Variants in QRFPR observed in about 807,000 individuals in gnomAD.
The protein encoded by QRFPR is pyroglutamylated RFamide peptide receptor, also known as pyroglutamylated RF-amide peptide receptor.
A neutral mutation model predicts 31.3 loss-of-function variants in QRFPR; 37 were observed. The observed-to-expected ratio is 1.18, with a 90% CI of 0.91 to 1.56. The LOEUF is 1.56. QRFPR is among the 40% of genes most tolerant of loss of function. The probability of loss-of-function intolerance (pLI) is 0.00; values close to 1 mark genes in which losing one functional copy is unlikely to be tolerated. For missense variants in QRFPR, 542 were observed against 532.5 expected (o/e 1.02, Z -0.18); for synonymous variants, 197 against 192.0 (o/e 1.03, Z -0.22).
chr4:121,380,192 A>AGAGAGAGAGAGG lies in QRFPR; in HGVS notation c.340+115_340+116insCCTCTCTCTCTC, dbSNP rs1560749151. 3.1e-3 allele frequency: 483 copies of AGAGAGAGAGAGG among 153,634 alleles called. 3 individuals carry two copies. Among genetic ancestry groups the AGAGAGAGAGAGG allele is most frequent in the Middle Eastern group, 4.7e-3 (4 of 856 alleles). The allele number at this position is 153,634 out of a possible 1,614,324, so 9.5% of individuals were successfully genotyped here. A position where few individuals can be genotyped will look rare whatever the true frequency, so the allele number is the denominator to read the frequency against. ...GAGACAGACAGACGAGAGAGGAGAG[A>AGAGAGAGAGAGG]GAGAGAGAGAGAGAGAGAGAGAGAG... On this transcript the variant is annotated intron_variant, in intron 1 of 5. Transcript: ENST00000394427.
intron 1 of QRFPR, among the ~76,000 whole-genome samples, chr4:121,355,612 T>G (rs1725852461): frequency 6.6e-6 from 1 of 152,116 alleles, no homozygotes; most frequent in South Asian, 2.1e-4. Context: ...GGGGTTTGGT[T>G]TGTTCTTGTC....
intron 1 of QRFPR, chr4:121,369,991 T>G: frequency 1.3e-6 from 1 of 766,254 alleles, no homozygotes; most frequent in Non-Finnish European, 2.4e-6. Context: ...CCCAAAATGC[T>G]GAAAGCTTTC....
intron 1 of QRFPR, among the ~76,000 whole-genome samples, chr4:121,348,282 T>C (rs985560205): frequency 1.3e-5 from 2 of 152,238 alleles, no homozygotes; most frequent in Non-Finnish European, 2.9e-5. Flanking sequence ...AAGCCTACTG[T>C]GTTTAGGCCA....
At chr4:121,369,717 C>T in intron 1 of QRFPR, 1 of 1,596,370 alleles carries the variant, frequency 6.3e-7, no homozygotes, top group Non-Finnish European at 8.6e-7. Context: ...TCCCCACTTC[C>T]AGAGTCCATG....
chr4:121,350,935 A>G (rs1725750761), intron 1 of QRFPR, among the ~76,000 whole-genome samples: 1 of 152,148 alleles, frequency 6.6e-6, no homozygotes, highest in African/African-American at 2.4e-5. Context: ...CCCTTCTATG[A>G]TTAACCATTT....
chr4:121,360,760 C>T (rs1725973040), intron 1 of QRFPR, among the ~76,000 whole-genome samples: 1 of 152,156 alleles, frequency 6.6e-6, no homozygotes, highest in African/African-American at 2.4e-5. Flanking sequence ...AGCTCAAACT[C>T]CTTAACACAG....
chr4:121,370,885 T>C (rs1442330925), intron 1 of QRFPR, among the ~76,000 whole-genome samples: 1 of 152,214 alleles, frequency 6.6e-6, no homozygotes. Context: ...ATCTAAAACC[T>C]GTATCTTTGT....
intron 1 of QRFPR, among the ~76,000 whole-genome samples, chr4:121,365,575 T>TATA (rs1726100576): frequency 6.7e-4 from 1 of 1,488 alleles, no homozygotes; most frequent in African/African-American, 3.8e-3. Flanking sequence ...TTATATATAA[T>TATA]ATATATTATA....
At chr4:121,366,989 A>C (rs6813974) in intron 1 of QRFPR, among the ~76,000 whole-genome samples, 55,870 of 149,322 alleles carry the variant, frequency 0.37, 13,096 homozygotes, top group East Asian at 0.79. Context: ...CATACACCTG[A>C]CATCATTGTT....
intron 2 of QRFPR, among the ~76,000 whole-genome samples, chr4:121,339,039 A>C (rs2110469607): frequency 6.6e-6 from 1 of 152,312 alleles, no homozygotes; most frequent in Non-Finnish European, 1.5e-5. Flanking sequence ...ATTAAAACTA[A>C]CTAACTAAAA....
chr4:121,379,002 A>C (rs765892188), intron 1 of QRFPR, among the ~76,000 whole-genome samples: 6 of 152,212 alleles, frequency 3.9e-5, no homozygotes, highest in Non-Finnish European at 8.8e-5. Context: ...TGATCAAAAA[A>C]TACCCCATTA....
intron 3 of QRFPR, 118 bp from the exon 4 acceptor site, chr4:121,333,174 G>C: frequency 1.6e-6 from 1 of 643,418 alleles, no homozygotes; most frequent in Non-Finnish European, 2.7e-6. Context: ...TCCCCAGCAC[G>C]TATTTCAAAT....
chr4:121,379,503 C>T lies in QRFPR; in HGVS notation c.340+805G>A, dbSNP rs561888765. On this transcript the variant is annotated intron_variant, in intron 1 of 5. Transcript: ENST00000394427. ...CACACTACTGCTCCTGGGTTTACAC[C>T]AGGGCATTCTCCAGCTGTGTTCTTG... Among the ~76,000 whole-genome samples the T allele has an allele frequency of 5.9e-5, 9 of 152,328 alleles. No individual in the cohort carries two copies. The South Asian group carries it at 1.9e-3, about 32-fold the overall frequency.
intron 1 of QRFPR, among the ~76,000 whole-genome samples, chr4:121,378,262 T>C (rs1234276604): frequency 6.6e-6 from 1 of 152,148 alleles, no homozygotes; most frequent in Non-Finnish European, 1.5e-5. Flanking sequence ...ATGTTCTCCA[T>C]GAAGTAAGAA....
At position 121,340,511 on chromosome 4, in the gene QRFPR, A is replaced by G; in HGVS notation, c.440T>C (p.Leu147Pro). Reference protein sequence around the residue: ...TCIAVERHQGLVHPFKMKWQY... With the variant: ...TCIAVERHQGPVHPFKMKWQY... Reference sequence around the variant, plus strand: ...CCACTTCATTTTAAAAGGATGCACAAGTCCCTGGTGCCTTTCCACAGCAAT... The same window carrying G: ...CCACTTCATTTTAAAAGGATGCACAGGTCCCTGGTGCCTTTCCACAGCAAT... Residue 147 changes from leucine (L) to proline (P), a missense_variant, in exon 2 of 6, where the codon CTT (leucine) becomes CCT (proline). Coordinates refer to ENST00000394427, the MANE Select transcript of QRFPR (RefSeq NM_198179.3). 2 of 1,614,118 alleles carry G rather than the reference A, an allele frequency of 1.2e-6. No individual in the cohort carries two copies. Among genetic ancestry groups the G allele is most frequent in the South Asian group, 1.1e-5 (1 of 91,078 alleles).
chr4:121,354,780 T>C (rs779855971), intron 1 of QRFPR, among the ~76,000 whole-genome samples: 2 of 152,044 alleles, frequency 1.3e-5, no homozygotes, highest in Admixed American at 6.6e-5. Flanking sequence ...TTTTATCAAA[T>C]GCTTTTTTGG....
chr4:121,331,175 GTTTTTTTTTTTTT>G (rs397995185), intron 4 of QRFPR, among the ~76,000 whole-genome samples: 1 of 69,038 alleles, frequency 1.4e-5, no homozygotes, highest in Non-Finnish European at 2.5e-5. Context: ...TATATCTTGG[GTTTTTTTTTTTTT>G]TTTTTTTTTT....
At chr4:121,380,225 G>GAGAA in intron 1 of QRFPR, 83 bp downstream of exon 1, 1 of 909,222 alleles carries the variant, frequency 1.1e-6, no homozygotes, top group East Asian at 2.5e-5. Context: ...GAGAGAGAGA[G>GAGAA]AGAGAGAGAG....
At chr4:121,379,167 G>A (rs1337012856) in intron 1 of QRFPR, among the ~76,000 whole-genome samples, 1 of 152,122 alleles carries the variant, frequency 6.6e-6, no homozygotes, top group East Asian at 1.9e-4. Flanking sequence ...AATGTTTAAT[G>A]CTTTTTTGAA....
Sources: allele counts gnomAD v4.1 joint callset (sites outside exome capture counted in the v4.1 genomes callset), GRCh38; gene constraint gnomAD v4.1.1; transcripts MANE v1.5; gene names NCBI Gene and HGNC (gene_info 2026-07-23, HGNC 2026-07-21).